The following SAMMSON variants were observed in gnomAD, a reference collection of about 807,000 sequenced individuals.
SAMMSON encodes the protein long intergenic non-protein coding RNA 1212.
At chr3:70,182,665 T>G (rs967579909) in intron 4 of SAMMSON, among the ~76,000 whole-genome samples, 51 of 152,274 alleles carry the variant, frequency 3.3e-4, no homozygotes, top group African/African-American at 1.2e-3. Context: ...TTTAGCCCAA[T>G]TTGGCTCAAT....
At chr3:70,177,065 T>G (rs1254522376) in intron 4 of SAMMSON, among the ~76,000 whole-genome samples, 2 of 152,210 alleles carry the variant, frequency 1.3e-5, no homozygotes, top group Non-Finnish European at 2.9e-5. Flanking sequence ...TGCAGGGTGT[T>G]GAAGATCAGA....
At chr3:70,195,599 T>C (rs957056315) in intron 4 of SAMMSON, among the ~76,000 whole-genome samples, 8 of 152,220 alleles carry the variant, frequency 5.3e-5, no homozygotes, top group Admixed American at 2.0e-4. Context: ...AGCTTTCTTT[T>C]GTTGTTGCTG....
intron 7 of SAMMSON, among the ~76,000 whole-genome samples, chr3:70,317,390 A>G (rs1000004096): frequency 6.6e-6 from 1 of 151,950 alleles, no homozygotes; most frequent in East Asian, 1.9e-4. Context: ...CCAATAAAGT[A>G]TTTTTAATTA....
chr3:70,019,080 T>G (rs544329235), intron 3 of SAMMSON, among the ~76,000 whole-genome samples: 15 of 152,312 alleles, frequency 9.8e-5, no homozygotes, highest in Admixed American at 7.8e-4. Flanking sequence ...TGGAGAGTTC[T>G]GTAGATGTCT....
intron 4 of SAMMSON, among the ~76,000 whole-genome samples, chr3:70,123,754 G>A (rs1420082552): frequency 3.9e-5 from 6 of 152,214 alleles, no homozygotes; most frequent in African/African-American, 1.4e-4. Context: ...CTTCAAGTTT[G>A]TAGGGAGGAG....
chr3:70,434,569 CA>C (rs1484399049), intron 2 of SAMMSON, among the ~76,000 whole-genome samples: 1 of 142,466 alleles, frequency 7.0e-6, no homozygotes, highest in Non-Finnish European at 1.5e-5. Flanking sequence ...TGAATAAAGA[CA>C]TTTTTTTTTC....
chr3:70,353,970 C>G (rs1365553785), intron 7 of SAMMSON, among the ~76,000 whole-genome samples: 1 of 152,108 alleles, frequency 6.6e-6, no homozygotes, highest in Non-Finnish European at 1.5e-5. Context: ...TACTATGTGA[C>G]TCCATGGATA....
At chr3:70,144,774 A>G (rs2067541256) in intron 4 of SAMMSON, among the ~76,000 whole-genome samples, 1 of 152,094 alleles carries the variant, frequency 6.6e-6, no homozygotes, top group Admixed American at 6.6e-5. Flanking sequence ...GTTTCCATGC[A>G]CAAGCTCTCT....
intron 7 of SAMMSON, among the ~76,000 whole-genome samples, chr3:70,341,825 G>A (rs890299543): frequency 2.9e-5 from 4 of 140,280 alleles, no homozygotes; most frequent in Non-Finnish European, 4.7e-5. Context: ...TCTAGCACAC[G>A]ATAGGCACTC....
chr3:70,297,786 AG>A (rs1361034665), intron 7 of SAMMSON, among the ~76,000 whole-genome samples: 1 of 152,066 alleles, frequency 6.6e-6, no homozygotes, highest in Non-Finnish European at 1.5e-5. Context: ...CTAAAGAAAA[AG>A]CTTAAACTAA....
intron 2 of SAMMSON, among the ~76,000 whole-genome samples, chr3:70,399,856 AAAAAAAAAAAC>A (rs918259317): frequency 2.1e-5 from 3 of 142,918 alleles, no homozygotes; most frequent in South Asian, 2.1e-4. Flanking sequence ...CTCTGACTCA[AAAAAAAAAAAC>A]AAAAAAAAAA....
At chr3:70,224,413 C>G (rs950023640) in intron 4 of SAMMSON, among the ~76,000 whole-genome samples, 9 of 152,194 alleles carry the variant, frequency 5.9e-5, no homozygotes, top group Non-Finnish European at 1.0e-4. Flanking sequence ...TCTAGAAGCC[C>G]TTTGGATGGG....
chr3:70,064,218 T>C (rs2067201134), intron 3 of SAMMSON, among the ~76,000 whole-genome samples: 1 of 152,172 alleles, frequency 6.6e-6, no homozygotes, highest in South Asian at 2.1e-4. Context: ...TGCCTTGTCA[T>C]TTAATCAGAA....
chr3:70,135,180 T>A lies in SAMMSON; in HGVS notation n.507+63615T>A, dbSNP rs185932166. Reference sequence around the variant, plus strand: ...TATGGTCTTATTGGTTTTTTCTCAGTTGCATTGTTTTATCATGTCAATATT... The same window carrying A: ...TATGGTCTTATTGGTTTTTTCTCAGATGCATTGTTTTATCATGTCAATATT... On this transcript the variant is annotated intron_variant and non_coding_transcript_variant, in intron 4 of 9. Coordinates refer to ENST00000642114, the Ensembl canonical transcript of SAMMSON. 6.1e-3 allele frequency among the ~76,000 whole-genome samples: 932 copies of A among 152,262 alleles called. 5 individuals carry two copies. Among genetic ancestry groups the A allele is most frequent in the African/African-American group, 0.02 (815 of 41,570 alleles).
At chr3:70,324,367 C>T (rs564684836) in intron 7 of SAMMSON, among the ~76,000 whole-genome samples, 41 of 152,142 alleles carry the variant, frequency 2.7e-4, no homozygotes, top group African/African-American at 9.6e-4. Flanking sequence ...GTCTGTATTA[C>T]CATAGCTTAA....
intron 7 of SAMMSON, among the ~76,000 whole-genome samples, chr3:70,351,293 A>G (rs188825279): frequency 2.3e-4 from 35 of 152,264 alleles, no homozygotes; most frequent in Non-Finnish European, 4.4e-4. Context: ...TTTATGAATA[A>G]ATACCTGGAT....
chr3:70,404,562 C>A (rs189465301), intron 2 of SAMMSON, among the ~76,000 whole-genome samples: 86 of 152,150 alleles, frequency 5.7e-4, no homozygotes, highest in Admixed American at 1.4e-3. Context: ...AGTTTAGAGT[C>A]CTCATATTAA....
intron 7 of SAMMSON, among the ~76,000 whole-genome samples, chr3:70,351,952 G>GA (rs1032408134): frequency 4.0e-4 from 61 of 150,886 alleles, no homozygotes; most frequent in African/African-American, 1.4e-3. Flanking sequence ...CTGAACAACA[G>GA]AAAAAAAAGA....
chr3:70,260,301 T>A (rs940251745), intron 6 of SAMMSON, among the ~76,000 whole-genome samples: 1 of 152,142 alleles, frequency 6.6e-6, no homozygotes, highest in Non-Finnish European at 1.5e-5. Flanking sequence ...TGTCTTCCCA[T>A]CGCCACTTCT....
Sources: gnomAD v4.1 joint callset for allele counts (sites outside exome capture counted in the v4.1 genomes callset) on GRCh38, gnomAD v4.1.1 for gene constraint, MANE v1.5 for transcripts, NCBI Gene and HGNC (gene_info 2026-07-23, HGNC 2026-07-21) for gene names.